Variants in CNGB1 observed in about 807,000 individuals in gnomAD.
CNGB1 encodes cyclic nucleotide-gated channel beta-1.
CNGB1 carries 126 observed loss-of-function variants against 151.7 expected under a neutral mutation model. That is an observed-to-expected ratio of 0.83 (90% CI 0.72 to 0.96). The LOEUF is 0.96. Among genes scored for constraint, CNGB1 ranks in the 40% least tolerant of loss-of-function variants. The pLI, the probability that CNGB1 is intolerant of heterozygous loss-of-function variation, is 0.00. For missense variants in CNGB1, 1,698 were observed against 1,627.0 expected (o/e 1.04, Z -0.75); for synonymous variants, 623 against 635.1 (o/e 0.98, Z 0.29).
In CNGB1 at chr16:57,960,070, G is replaced by A. The variant is rs1962202838; in HGVS notation, c.584-5C>T. The A allele has an allele frequency of 3.9e-6, 6 of 1,548,106 alleles. No individual in the cohort carries two copies. Among genetic ancestry groups the A allele is most frequent in the Non-Finnish European group, 5.2e-6 (6 of 1,152,040 alleles). On this transcript the variant is annotated splice_polypyrimidine_tract_variant and splice_region_variant and intron_variant, in intron 9 of 32. Transcript: ENST00000251102. ...CCTGGGGGCGTCCTGGAGGCGCTAAGCAGCGGGGAAAGCAGGAGCTAGAGA... is the reference window on the plus strand; with the variant it reads ...CCTGGGGGCGTCCTGGAGGCGCTAAACAGCGGGGAAAGCAGGAGCTAGAGA...
chr16:57,947,073 G>T (rs761697102), intron 14 of CNGB1, among the ~76,000 whole-genome samples: 12 of 152,212 alleles, frequency 7.9e-5, no homozygotes, highest in Non-Finnish European at 1.8e-4. Flanking sequence ...GTGGGTATAC[G>T]TGTGTGCATG....
intron 32 of CNGB1, among the ~76,000 whole-genome samples, chr16:57,886,265 A>C (rs139828575): frequency 1.4e-3 from 206 of 152,194 alleles, no homozygotes; most frequent in African/African-American, 4.7e-3. Flanking sequence ...TTAATGGAAC[A>C]CTCATGCAAA....
chr16:57,903,997 T>C lies in CNGB1; in HGVS notation c.2635-16A>G. The C allele has an allele frequency of 6.2e-7, 1 of 1,612,344 alleles. No homozygotes were observed. Among genetic ancestry groups the C allele is most frequent in the African/African-American group, 1.3e-5 (1 of 74,948 alleles). The stretch of plus-strand genomic sequence containing the variant: ...CATCTCTCATCTGGGGGAAGGGTTA[T>C]GGGAGGTCAAGGAAGCCACTGGGTC... On this transcript the variant is annotated splice_polypyrimidine_tract_variant and intron_variant, in intron 26 of 32. Coordinates refer to ENST00000251102, the MANE Select transcript of CNGB1 (RefSeq NM_001297.5).
chr16:57,899,647 C>G (rs1446161203), intron 29 of CNGB1, among the ~76,000 whole-genome samples: 1 of 142,888 alleles, frequency 7.0e-6, no homozygotes, highest in Non-Finnish European at 1.6e-5. Context: ...CTCAAATAAA[C>G]AAACAAACAA....
chr16:57,913,460 A>G (rs564511004), intron 23 of CNGB1, among the ~76,000 whole-genome samples: 40 of 152,192 alleles, frequency 2.6e-4, no homozygotes, highest in Non-Finnish European at 4.1e-4. Flanking sequence ...AGCACCTATT[A>G]TATGACTGGC....
intron 12 of CNGB1, among the ~76,000 whole-genome samples, chr16:57,956,343 T>A (rs572871010): frequency 1.8e-4 from 27 of 152,278 alleles, no homozygotes; most frequent in African/African-American, 5.5e-4. Flanking sequence ...GAGAGACTGC[T>A]TATGCCCTGC....
At chr16:57,921,986 A>G (rs558979443) in intron 18 of CNGB1, among the ~76,000 whole-genome samples, 3 of 152,230 alleles carry the variant, frequency 2.0e-5, no homozygotes, top group African/African-American at 7.2e-5. Flanking sequence ...AGTTTTCAAG[A>G]ATAGGTTTTC....
chr16:57,885,578 CTTTCTTTCTTTCTT>C (rs756187069), intron 32 of CNGB1, among the ~76,000 whole-genome samples: 889 of 61,750 alleles, frequency 0.014, 29 homozygotes, highest in South Asian at 0.078. Flanking sequence ...CTCTCTCTCT[CTTTCTTTCTTTCTT>C]TCTTTCTTTC....
At chr16:57,950,636 G>A (rs1414279521) in intron 12 of CNGB1, 96 bp from the exon 13 acceptor site, 76 of 1,180,936 alleles carry the variant, frequency 6.4e-5, no homozygotes, top group Non-Finnish European at 8.5e-5. Context: ...CCTGGCTGTC[G>A]CCAGCAGTGC....
chr16:57,904,247 A>G (rs1269611708), intron 26 of CNGB1, among the ~76,000 whole-genome samples: 20 of 152,098 alleles, frequency 1.3e-4, no homozygotes. Flanking sequence ...ACCATGGGGG[A>G]AAGCTCCTTG....
At chr16:57,923,504 C>T (rs1255441541) in intron 17 of CNGB1, 124 bp from the exon 18 acceptor site, 61 of 787,272 alleles carry the variant, frequency 7.7e-5, no homozygotes, top group Non-Finnish European at 1.2e-4. Flanking sequence ...GGGGGCGGAG[C>T]ATGAACTTCT....
chr16:57,934,893 C>T (rs999231891), intron 16 of CNGB1, among the ~76,000 whole-genome samples: 1 of 150,078 alleles, frequency 6.7e-6, no homozygotes, highest in African/African-American at 2.5e-5. Context: ...GGAGGCGGAG[C>T]TTGCAGTGAG....
chr16:57,959,241 C>T (rs1962174995), intron 10 of CNGB1, among the ~76,000 whole-genome samples: 2 of 151,790 alleles, frequency 1.3e-5, no homozygotes, highest in Admixed American at 1.3e-4. Flanking sequence ...TTTAATGCAG[C>T]TGTTCAAGAA....
rs1555492817 is a variant in CNGB1 at position 57,950,345 on chromosome 16, A to G, written c.1034+36T>C. ...TGCATGCTTGGCACTTTCTCAAACA[A>G]TAACTAATCTTTTAGGGTCTTCTCA... On this transcript the variant is annotated intron_variant, in intron 13 of 32. Transcript: ENST00000251102. 3.1e-6 allele frequency: 5 copies of G among 1,613,344 alleles called. No individual in the cohort carries two copies. The Admixed American group carries it at 5.0e-5, about 16-fold the overall frequency.
At chr16:57,915,117 T>C in intron 23 of CNGB1, 132 bp downstream of exon 23, 1 of 668,418 alleles carries the variant, frequency 1.5e-6, no homozygotes, top group Non-Finnish European at 2.6e-6. Flanking sequence ...GTGGAATAAA[T>C]GCATCTCCCC....
intron 16 of CNGB1, among the ~76,000 whole-genome samples, chr16:57,936,574 T>G (rs1841850056): frequency 6.6e-6 from 1 of 152,064 alleles, no homozygotes; most frequent in African/African-American, 2.4e-5. Flanking sequence ...GGGCAGATCA[T>G]TTGATATCAG....
At chr16:57,909,927 C>T (rs1027092745) in intron 25 of CNGB1, among the ~76,000 whole-genome samples, 1 of 152,218 alleles carries the variant, frequency 6.6e-6, no homozygotes, top group Non-Finnish European at 1.5e-5. Flanking sequence ...TGGGGCGGTA[C>T]TATCTGATGT....
At chr16:57,948,512 T>C (rs1467707481) in intron 14 of CNGB1, among the ~76,000 whole-genome samples, 2 of 152,060 alleles carry the variant, frequency 1.3e-5, no homozygotes, top group Non-Finnish European at 2.9e-5. Context: ...GTCTCTGCCC[T>C]GCTCACTGGT....
At chr16:57,952,523 G>A (rs571050019) in intron 12 of CNGB1, among the ~76,000 whole-genome samples, 2 of 61,990 alleles carry the variant, frequency 3.2e-5, no homozygotes, top group Admixed American at 2.3e-4. Context: ...TTTTTTTTGA[G>A]ACAGAGTCTC....
Sources: allele counts gnomAD v4.1 joint callset (sites outside exome capture counted in the v4.1 genomes callset), GRCh38; gene constraint gnomAD v4.1.1; transcripts MANE v1.5; gene names NCBI Gene and HGNC (gene_info 2026-07-23, HGNC 2026-07-21).